Variants in PAK3 observed in about 807,000 individuals in gnomAD.
PAK3 encodes serine/threonine-protein kinase PAK 3.
Under a neutral mutation model 41.0 loss-of-function variants are expected in PAK3, and 4 were observed. The observed-to-expected ratio is 0.10, with a 90% CI of 0.05 to 0.22. The LOEUF (loss-of-function observed/expected upper bound fraction) is 0.22. Among genes scored for constraint, PAK3 ranks in the 10% least tolerant of loss-of-function variants. PAK3 has a pLI of 1.00. For synonymous variants in PAK3, 146 were observed against 139.6 expected, an observed-to-expected ratio of 1.05 and a Z score of -0.32; for missense variants, 205 against 409.9, an observed-to-expected ratio of 0.50 and a Z score of 4.32.
At chrX:111,028,338 C>G (rs1262846068) in intron 1 of PAK3, among the ~76,000 whole-genome samples, 8 of 109,525 alleles carry the variant, frequency 7.3e-5, no homozygotes, top group African/African-American at 2.0e-4. Context: ...TCGGAAATCA[C>G]CACTAAAGAA....
chrX:111,112,389 C>T (rs901304065), intron 4 of PAK3, among the ~76,000 whole-genome samples: 2 of 110,309 alleles, frequency 1.8e-5, no homozygotes, highest in African/African-American at 6.6e-5. Flanking sequence ...CTCTGTCCTT[C>T]TATAGCAACC....
At chrX:111,065,561 G>A (rs1212972881) in intron 1 of PAK3, among the ~76,000 whole-genome samples, 1 of 111,160 alleles carries the variant, frequency 9.0e-6, no homozygotes, top group Non-Finnish European at 1.9e-5. Flanking sequence ...TCAGGGTGAT[G>A]TTTGCTTTGT....
At chrX:111,175,563 C>T (rs943974906) in intron 11 of PAK3, among the ~76,000 whole-genome samples, 1 of 110,833 alleles carries the variant, frequency 9.0e-6, no homozygotes, top group Non-Finnish European at 1.9e-5. Flanking sequence ...TTTATTAATT[C>T]GTAAAGTGTT....
chrX:110,946,372 T>C (rs1263697717), intron 1 of PAK3, among the ~76,000 whole-genome samples: 2 of 91,284 alleles, frequency 2.2e-5, no homozygotes, highest in East Asian at 7.1e-4. Flanking sequence ...AAAAAGCCAG[T>C]ATTGCAGATT....
At chrX:111,196,859 T>C (rs1425784436) in intron 16 of PAK3, among the ~76,000 whole-genome samples, 4 of 107,273 alleles carry the variant, frequency 3.7e-5, no homozygotes, top group Middle Eastern at 4.8e-3. Flanking sequence ...TCTTTCTTTT[T>C]TTTTTTTTTT....
intron 1 of PAK3, among the ~76,000 whole-genome samples, chrX:111,038,832 T>C (rs1278247224): frequency 2.7e-5 from 3 of 112,295 alleles, no homozygotes; most frequent in Non-Finnish European, 3.8e-5. Context: ...TATAAGAGTT[T>C]TAAATAACAA....
chrX:110,970,203 T>C (rs1159427184), intron 1 of PAK3, among the ~76,000 whole-genome samples: 1 of 112,450 alleles, frequency 8.9e-6, no homozygotes, highest in Admixed American at 9.4e-5. Flanking sequence ...ATAAATATCT[T>C]CCTTTGAGAA....
intron 1 of PAK3, among the ~76,000 whole-genome samples, chrX:111,059,958 C>T (rs1308365573): frequency 2.7e-5 from 3 of 111,417 alleles, no homozygotes; most frequent in Non-Finnish European, 1.9e-5. Flanking sequence ...CCAGAATCCT[C>T]AGTACAATGT....
intron 5 of PAK3, among the ~76,000 whole-genome samples, chrX:111,138,657 T>C (rs182410122): frequency 9.0e-6 from 1 of 110,811 alleles, no homozygotes; most frequent in African/African-American, 3.3e-5. Context: ...GTATAAAAGC[T>C]TGGAGGTATG....
At chrX:110,996,379 A>C (rs1031598082) in intron 1 of PAK3, among the ~76,000 whole-genome samples, 12 of 112,448 alleles carry the variant, frequency 1.1e-4, no homozygotes, top group African/African-American at 3.9e-4. Flanking sequence ...ACCATTATCA[A>C]ACTTCAATTC....
intron 8 of PAK3, among the ~76,000 whole-genome samples, chrX:111,155,660 T>C (rs994868101): frequency 9.0e-6 from 1 of 111,276 alleles, no homozygotes; most frequent in African/African-American, 3.3e-5. Context: ...TGGTACCAAA[T>C]AGATACTTGG....
chrX:111,084,804 G>A (rs755728396), intron 1 of PAK3, among the ~76,000 whole-genome samples: 23 of 111,968 alleles, frequency 2.1e-4, no homozygotes, highest in South Asian at 3.7e-4. Flanking sequence ...CTATCCCTTC[G>A]CCAACTCAGG....
chrX:111,101,085 C>G (rs971975819), intron 3 of PAK3, among the ~76,000 whole-genome samples: 2 of 112,049 alleles, frequency 1.8e-5, no homozygotes, highest in Non-Finnish European at 3.8e-5. Context: ...CACACAGTAG[C>G]TTATTGACAT....
intron 11 of PAK3, among the ~76,000 whole-genome samples, chrX:111,179,741 A>G (rs1325461147): frequency 1.8e-5 from 2 of 111,382 alleles, no homozygotes; most frequent in African/African-American, 6.5e-5. Flanking sequence ...TTCCACTACC[A>G]TTATCTTGTT....
intron 11 of PAK3, among the ~76,000 whole-genome samples, chrX:111,186,968 T>C (rs908718180): frequency 8.9e-6 from 1 of 111,846 alleles, no homozygotes; most frequent in African/African-American, 3.2e-5. Flanking sequence ...TATACACTAC[T>C]GTGCTTCAGT....
intron 6 of PAK3, among the ~76,000 whole-genome samples, chrX:111,143,604 A>T (rs987889315): frequency 9.0e-6 from 1 of 111,016 alleles, no homozygotes; most frequent in African/African-American, 3.3e-5. Context: ...ACACTTAGAT[A>T]CTCCAACCTT....
chrX:111,022,993 C>T (rs1326925367), intron 1 of PAK3, among the ~76,000 whole-genome samples: 4 of 110,417 alleles, frequency 3.6e-5, no homozygotes, highest in Admixed American at 9.7e-5. Context: ...CTGCACCCAT[C>T]AACTCAGCAT....
At chrX:110,974,770 G>C (rs1292022488) in intron 1 of PAK3, among the ~76,000 whole-genome samples, 2 of 111,854 alleles carry the variant, frequency 1.8e-5, no homozygotes, top group African/African-American at 6.5e-5. Context: ...CCACGATCAA[G>C]TTGGCTTCAT....
chrX:111,201,039 A>G (rs1261260075), intron 16 of PAK3, among the ~76,000 whole-genome samples: 1 of 112,124 alleles, frequency 8.9e-6, no homozygotes, highest in African/African-American at 3.2e-5. Context: ...AAGGTTCAGG[A>G]AGCCTACATT....
Sources: gnomAD v4.1 joint callset for allele counts (sites outside exome capture counted in the v4.1 genomes callset) on GRCh38, gnomAD v4.1.1 for gene constraint, MANE v1.5 for transcripts, NCBI Gene and HGNC (gene_info 2026-07-23, HGNC 2026-07-21) for gene names.